Variants in KNTC1 observed in about 807,000 individuals in gnomAD.
KNTC1 encodes kinetochore associated 1.
Under a neutral mutation model 314.4 loss-of-function variants are expected in KNTC1, and 253 were observed. The ratio of observed to expected loss-of-function variants is 0.80; its 90% CI spans 0.73 to 0.89. The LOEUF (loss-of-function observed/expected upper bound fraction) is 0.89. KNTC1 is among the 40% of genes least tolerant of loss of function. The probability of loss-of-function intolerance (pLI) is 0.00; values close to 1 mark genes in which losing one functional copy is unlikely to be tolerated. For missense variants in KNTC1, 2,475 were observed against 2,572.9 expected (o/e 0.96, Z 0.82); for synonymous variants, 901 against 901.4 (o/e 1.00, Z 0.01).
chr12:122,548,676 T>C (rs1223954991), intron 12 of KNTC1, among the ~76,000 whole-genome samples: 5 of 152,124 alleles, frequency 3.3e-5, no homozygotes, highest in African/African-American at 9.7e-5. Flanking sequence ...ATTTAAATCA[T>C]ATAGTAACAA....
chr12:122,622,713 C>A, intron 62 of KNTC1, 106 bp downstream of exon 62: 1 of 914,648 alleles, frequency 1.1e-6, no homozygotes, highest in East Asian at 2.8e-5. Flanking sequence ...CTTTGGGAAG[C>A]TGAGGTGGGT....
intron 18 of KNTC1, among the ~76,000 whole-genome samples, chr12:122,561,208 G>A (rs1963945454): frequency 6.6e-6 from 1 of 151,772 alleles, no homozygotes; most frequent in Admixed American, 6.6e-5. Flanking sequence ...CCAGCTACTT[G>A]GAAGGCTGAG....
chr12:122,560,547 A>G (rs1050696019), intron 18 of KNTC1, among the ~76,000 whole-genome samples: 48 of 151,954 alleles, frequency 3.2e-4, no homozygotes, highest in African/African-American at 1.0e-3. Context: ...TAATTTTTGT[A>G]TTTTTAGTAG....
chr12:122,530,115 C>T lies in KNTC1; in HGVS notation c.52C>T (p.Leu18=). 1.9e-6 allele frequency: 3 copies of T among 1,613,706 alleles called. No homozygotes were observed. Among genetic ancestry groups the T allele is most frequent in the South Asian group, 1.1e-5 (1 of 91,068 alleles). ...AAATGATGATACCGGAAGTGGGTACCTGAGTGTCGGTTCAAGAAAAGAACA... is the reference window on the plus strand; with the variant it reads ...AAATGATGATACCGGAAGTGGGTACTTGAGTGTCGGTTCAAGAAAAGAACA... ...LTNDDTGSGY[L]SVGSRKEHGT... Residue 18 remains leucine, a synonymous_variant, in exon 2 of 64, where the codon CTG becomes TTG. Coordinates refer to ENST00000333479, the MANE Select transcript of KNTC1 (RefSeq NM_014708.6).
intron 61 of KNTC1, 52 bp from the exon 62 acceptor site, chr12:122,622,410 C>G: frequency 7.3e-7 from 1 of 1,370,358 alleles, no homozygotes; most frequent in East Asian, 2.4e-5. Flanking sequence ...GATTAGAAGT[C>G]TGATTCTAAT....
At chr12:122,574,857 T>C (rs1964914712) in intron 27 of KNTC1, among the ~76,000 whole-genome samples, 1 of 152,264 alleles carries the variant, frequency 6.6e-6, no homozygotes, top group African/African-American at 2.4e-5. Context: ...TTTTCAGTTA[T>C]TCGCTGCAAT....
In KNTC1 at chr12:122,620,466, TTC is replaced by T. The variant is rs760731097; in HGVS notation, c.6150-6_6150-5del. ...CTGCCAGATTATTAACTAATTAATG[TTC>T]TCTCTCGAAGATGTCCAGTCTCAGG... is the stretch of plus-strand genomic sequence containing the variant. On this transcript the variant is annotated splice_polypyrimidine_tract_variant and intron_variant, in intron 59 of 63. Coordinates refer to ENST00000333479, the MANE Select transcript of KNTC1 (RefSeq NM_014708.6). The T allele has an allele frequency of 5.0e-6, 8 of 1,608,912 alleles. No homozygotes were observed. In the South Asian group the frequency reaches 5.5e-5, roughly 11 times the overall value.
Position 122,557,473 on chromosome 12 carries a change from T to G in KNTC1, c.1362T>G (p.Leu454=), listed in dbSNP as rs1963675898. The G allele has an allele frequency of 6.2e-7, 1 of 1,613,768 alleles. No homozygotes were observed. The highest frequency in any genetic ancestry group is 1.3e-5 in the African/African-American group (1 of 74,918). The part of the protein sequence containing the change: ...DASEQTEWQQ[L]VDDAKENLHK... ...GTGAACAGACCGAATGGCAACAACT[T>G]GTAGACGACGCTAAGGAAAATCTAC... Residue 454 remains leucine, a synonymous_variant, in exon 17 of 64, where the codon CTT becomes CTG. Coordinates refer to ENST00000333479, the MANE Select transcript of KNTC1 (RefSeq NM_014708.6).
chr12:122,606,342 C>T (rs374212495), intron 51 of KNTC1, among the ~76,000 whole-genome samples: 6 of 151,410 alleles, frequency 4.0e-5, no homozygotes, highest in African/African-American at 1.2e-4. Context: ...CTCAGCTTCC[C>T]GAGTAGCTGG....
chr12:122,546,989 C>T (rs879310667), intron 10 of KNTC1, among the ~76,000 whole-genome samples: 4 of 151,124 alleles, frequency 2.6e-5, no homozygotes, highest in African/African-American at 9.7e-5. Flanking sequence ...CCCATCACCA[C>T]GCCCGGCTAA....
chr12:122,577,771 G>A lies in KNTC1; in HGVS notation c.2821G>A (p.Glu941Lys), dbSNP rs777763189. Reference sequence around the variant, plus strand: ...ATGGGCACGACTGGCATTACAAGAAGAGCCAGATCATTCTAAAGAGGTGAC... The same window carrying A: ...ATGGGCACGACTGGCATTACAAGAAAAGCCAGATCATTCTAAAGAGGTGAC... ...IIWARLALQEEPDHSKEGKAW... is the reference protein window; with the variant it reads ...IIWARLALQEKPDHSKEGKAW... Residue 941 changes from glutamate (E) to lysine (K), a missense_variant, in exon 31 of 64, where the codon GAG (glutamate) becomes AAG (lysine). By Grantham distance (56) the Glu-to-Lys change is moderately conservative. Transcript: ENST00000333479. The A allele has an allele frequency of 3.7e-6, 6 of 1,612,940 alleles. No individual in the cohort carries two copies. In the South Asian group the frequency reaches 6.6e-5, roughly 18 times the overall value.
At position 122,562,675 on chromosome 12, in the gene KNTC1, G is replaced by C. The variant is rs766326903; in HGVS notation, c.1580G>C (p.Gly527Ala). 2 of 1,610,060 alleles carry C rather than the reference G, an allele frequency of 1.2e-6. No homozygotes were observed. Among genetic ancestry groups the C allele is most frequent in the African/African-American group, 2.7e-5 (2 of 74,822 alleles). The change falls in exon 20 of 64, where the codon GGA (glycine) becomes GCA (alanine). Residue 527 changes from glycine to alanine, a missense_variant. Coordinates refer to ENST00000333479, the MANE Select transcript of KNTC1 (RefSeq NM_014708.6). ...CATGCAAAATTGACTACTTTTTATG[G>C]AGCATTTGGACCAGAAAAATTCAGG... ...RAHAKLTTFY[G>A]AFGPEKFSGS...
At position 122,624,687 on chromosome 12, in the gene KNTC1, A is replaced by C; in HGVS notation, c.6605A>C (p.Lys2202Thr). 1.9e-6 allele frequency: 3 copies of C among 1,610,786 alleles called. No individual in the cohort carries two copies. Among genetic ancestry groups the C allele is most frequent in the Non-Finnish European group, 2.5e-6 (3 of 1,176,970 alleles). ...GACACTGCTCCCTGTGAAATTCTGA[A>C]GGTAAAGCTGATGGAAAGTTCTTAG... ...PPDTAPCEIL[K>T]MFLSGLS Residue 2202 changes from lysine to threonine, a missense_variant and splice_region_variant, in exon 63 of 64, where the codon AAG becomes ACG. By Grantham distance (78) the Lys-to-Thr change is moderately conservative. Coordinates refer to ENST00000333479, the MANE Select transcript of KNTC1 (RefSeq NM_014708.6).
chr12:122,560,600 G>T (rs911948480), intron 18 of KNTC1, among the ~76,000 whole-genome samples: 1 of 152,096 alleles, frequency 6.6e-6, no homozygotes, highest in Non-Finnish European at 1.5e-5. Flanking sequence ...CTTGAACCCT[G>T]ACTTCAAGTG....
chr12:122,598,088 A>T, intron 44 of KNTC1, 150 bp downstream of exon 44: 1 of 671,854 alleles, frequency 1.5e-6, no homozygotes, highest in Non-Finnish European at 2.5e-6. Context: ...TTTTTAACAC[A>T]GTTAAATACA....
intron 38 of KNTC1, among the ~76,000 whole-genome samples, chr12:122,587,040 C>T (rs924521408): frequency 2.0e-5 from 3 of 152,200 alleles, no homozygotes; most frequent in Admixed American, 2.0e-4. Flanking sequence ...TGGTCTTGAA[C>T]TCCTGACGTC....
chr12:122,587,669 G>A (rs1869554127), intron 38 of KNTC1, 42 bp from the exon 39 acceptor site: 1 of 1,504,902 alleles, frequency 6.6e-7, no homozygotes, highest in Non-Finnish European at 9.0e-7. Flanking sequence ...ATCTTTCTTT[G>A]TTTAAAAAAT....
Position 122,544,811 on chromosome 12 carries a change from C to G in KNTC1, c.669+542C>G, listed in dbSNP as rs138765804. On this transcript the variant is annotated intron_variant, in intron 8 of 63. Coordinates refer to ENST00000333479, the MANE Select transcript of KNTC1 (RefSeq NM_014708.6). ...GAAAATAAAGATGTAAATTTTTTGC[C>G]CATCCAGCTTCACAAATCCGTTGAA... Among the ~76,000 whole-genome samples, 549 of 152,078 alleles carry G rather than the reference C, an allele frequency of 3.6e-3. 4 individuals carry two copies. The highest frequency in any genetic ancestry group is 0.013 in the African/African-American group (531 of 41,478).
chr12:122,555,745 A>T (rs1963539510), intron 16 of KNTC1, among the ~76,000 whole-genome samples: 1 of 151,712 alleles, frequency 6.6e-6, no homozygotes, highest in Non-Finnish European at 1.5e-5. Context: ...GCTACTTGGG[A>T]TGTGGAGGCA....
Sources: gnomAD v4.1 joint callset for allele counts (sites outside exome capture counted in the v4.1 genomes callset) on GRCh38, gnomAD v4.1.1 for gene constraint, MANE v1.5 for transcripts, NCBI Gene and HGNC (gene_info 2026-07-23, HGNC 2026-07-21) for gene names.